DIP2C: variants seen among roughly 807,000 people sequenced by gnomAD.
DIP2C encodes DIP2 acetate--CoA ligase C (putative).
A neutral mutation model predicts 192.4 loss-of-function variants in DIP2C; 33 were observed. That is an observed-to-expected ratio of 0.17 (90% CI 0.13 to 0.23). The LOEUF (loss-of-function observed/expected upper bound fraction) is 0.23. DIP2C is among the 10% of genes least tolerant of loss of function. DIP2C has a pLI of 1.00. For synonymous variants in DIP2C, 979 were observed against 864.1 expected (o/e 1.13, Z -2.33); for missense variants, 1,537 against 2,110.1 (o/e 0.73, Z 5.32).
chr10:575,271 C>T (rs1395709917), intron 1 of DIP2C, among the ~76,000 whole-genome samples: 19 of 152,164 alleles, frequency 1.2e-4, no homozygotes, highest in Admixed American at 1.2e-3. Context: ...ACACTGGTAT[C>T]GCAAAATCCA....
At chr10:337,109 GTGT>G (rs1398990127) in intron 29 of DIP2C, among the ~76,000 whole-genome samples, 1 of 125,888 alleles carries the variant, frequency 7.9e-6, no homozygotes, top group African/African-American at 3.0e-5. Context: ...GTGCGTGTGT[GTGT>G]TGTGGAGGCC....
At chr10:603,324 A>C (rs986179500) in intron 1 of DIP2C, among the ~76,000 whole-genome samples, 3 of 139,410 alleles carry the variant, frequency 2.2e-5, no homozygotes, top group African/African-American at 5.9e-5. Flanking sequence ...AAAAAAAAAA[A>C]AAAAAAAAAC....
intron 1 of DIP2C, among the ~76,000 whole-genome samples, chr10:597,920 G>A (rs1353695356): frequency 6.6e-6 from 1 of 152,168 alleles, no homozygotes; most frequent in African/African-American, 2.4e-5. Context: ...CATGCCCCCA[G>A]GGGCCAAGGA....
At chr10:632,485 C>T (rs112238837) in intron 1 of DIP2C, among the ~76,000 whole-genome samples, 1 of 76,362 alleles carries the variant, frequency 1.3e-5, no homozygotes, top group Non-Finnish European at 2.6e-5. Flanking sequence ...CTGGAGACCA[C>T]GCGGGCACCG....
intron 35 of DIP2C, among the ~76,000 whole-genome samples, chr10:281,709 C>A (rs1954836551): frequency 6.6e-6 from 1 of 152,234 alleles, no homozygotes. Flanking sequence ...TGCCCAAGAT[C>A]ACACGGGATA....
At chr10:534,001 TAAAAA>T (rs34809873) in intron 1 of DIP2C, among the ~76,000 whole-genome samples, 3 of 148,648 alleles carry the variant, frequency 2.0e-5, no homozygotes, top group Non-Finnish European at 4.5e-5. Context: ...TGACATGCTT[TAAAAA>T]AAAAAAAAGA....
chr10:499,122 T>C (rs527743797), intron 1 of DIP2C, among the ~76,000 whole-genome samples: 2 of 152,366 alleles, frequency 1.3e-5, no homozygotes, highest in South Asian at 2.1e-4. Flanking sequence ...GAGAACAGTA[T>C]GGCTGAACCC....
chr10:569,017 C>T (rs1167989053), intron 1 of DIP2C, among the ~76,000 whole-genome samples: 1 of 152,152 alleles, frequency 6.6e-6, no homozygotes, highest in African/African-American at 2.4e-5. Flanking sequence ...GCAGCGGCTT[C>T]CTGGCTGAAC....
chr10:598,162 G>C (rs558302338), intron 1 of DIP2C, among the ~76,000 whole-genome samples: 2 of 152,218 alleles, frequency 1.3e-5, no homozygotes, highest in Non-Finnish European at 2.9e-5. Flanking sequence ...AGACACCAGG[G>C]ATGGAGCAGC....
At chr10:389,626 G>T (rs1375297224) in intron 13 of DIP2C, among the ~76,000 whole-genome samples, 1 of 152,214 alleles carries the variant, frequency 6.6e-6, no homozygotes, top group African/African-American at 2.4e-5. Flanking sequence ...GCTGTGTGGA[G>T]AGCGCACCTT....
intron 26 of DIP2C, among the ~76,000 whole-genome samples, chr10:346,607 C>T (rs867755067): frequency 3.1e-3 from 270 of 88,178 alleles, no homozygotes; most frequent in Admixed American, 3.5e-3. Context: ...CCCAGACACA[C>T]CGCGCATAGT....
Position 652,950 on chromosome 10 carries a change from C to T in DIP2C, c.85+36544G>A, listed in dbSNP as rs145563491. Among the ~76,000 whole-genome samples the T allele has an allele frequency of 5.3e-5, 8 of 152,144 alleles. No individual in the cohort carries two copies. The highest frequency in any genetic ancestry group is 9.6e-5 in the African/African-American group (4 of 41,518). ...AGCCACACACTGAGCCATAAACCCTCGCAAGACTGTGGGCATCTCAAGGTG... is the reference window on the plus strand; with the variant it reads ...AGCCACACACTGAGCCATAAACCCTTGCAAGACTGTGGGCATCTCAAGGTG... On this transcript the variant is annotated intron_variant, in intron 1 of 36. Coordinates refer to ENST00000280886, the MANE Select transcript of DIP2C (RefSeq NM_014974.3). The surrounding 1 kb of genome is among the most constrained non-coding windows in gnomAD (Gnocchi z 4.5).
At chr10:672,201 G>C (rs1830685689) in intron 1 of DIP2C, among the ~76,000 whole-genome samples, 1 of 151,456 alleles carries the variant, frequency 6.6e-6, no homozygotes, top group Admixed American at 6.6e-5. Flanking sequence ...ACGGACGAAA[G>C]AAACACCACC....
intron 1 of DIP2C, among the ~76,000 whole-genome samples, chr10:576,511 C>T (rs1415354939): frequency 6.6e-6 from 1 of 152,220 alleles, no homozygotes; most frequent in Non-Finnish European, 1.5e-5. Context: ...GCCATGAGCG[C>T]TAAATTAGCA....
chr10:337,967 T>TGTGTGC (rs200678724), intron 29 of DIP2C, among the ~76,000 whole-genome samples: 1,790 of 150,894 alleles, frequency 0.012, 28 homozygotes, highest in African/African-American at 0.041. Context: ...TGTGTGTGTG[T>TGTGTGC]GCGTGTGTGT....
intron 1 of DIP2C, among the ~76,000 whole-genome samples, chr10:654,755 C>T (rs1856173839): frequency 6.6e-6 from 1 of 152,178 alleles, no homozygotes; most frequent in South Asian, 2.1e-4. Flanking sequence ...CACTGAAGAA[C>T]GCTCTCCTGG....
intron 14 of DIP2C, among the ~76,000 whole-genome samples, chr10:387,091 G>C (rs1037220476): frequency 6.7e-6 from 1 of 150,318 alleles, no homozygotes; most frequent in African/African-American, 2.5e-5. Context: ...TCAACAAACA[G>C]AAACATCCAG....
chr10:600,892 T>C (rs896014415), intron 1 of DIP2C, among the ~76,000 whole-genome samples: 1 of 148,186 alleles, frequency 6.7e-6, no homozygotes, highest in African/African-American at 2.6e-5. Context: ...AGTTGGATAA[T>C]TAAGTTGAAC....
chr10:453,604 T>G (rs1969034732), intron 3 of DIP2C, among the ~76,000 whole-genome samples: 1 of 152,232 alleles, frequency 6.6e-6, no homozygotes, highest in Non-Finnish European at 1.5e-5. Context: ...AAGTGACGGC[T>G]TAAAATTTCA....
Sources: gnomAD v4.1 joint callset for allele counts (sites outside exome capture counted in the v4.1 genomes callset) on GRCh38, gnomAD v4.1.1 for gene constraint, Gnocchi (gnomAD v3.1) non-coding constraint, MANE v1.5 for transcripts, NCBI Gene and HGNC (gene_info 2026-07-23, HGNC 2026-07-21) for gene names.